Variants in PTPRA observed in about 807,000 individuals in gnomAD.
PTPRA encodes protein tyrosine phosphatase receptor type A, also known as receptor-type tyrosine-protein phosphatase alpha.
In PTPRA, 25 loss-of-function variants were observed where a neutral mutation model predicts 104.8. That is an observed-to-expected ratio of 0.24 (90% CI 0.17 to 0.33). The LOEUF is 0.33. PTPRA is among the 10% of genes least tolerant of loss of function. The pLI, the probability that PTPRA is intolerant of heterozygous loss-of-function variation, is 1.00. For synonymous variants in PTPRA, 323 were observed against 368.9 expected (o/e 0.88, Z 1.43); for missense variants, 765 against 1,015.3 (o/e 0.75, Z 3.35).
At chr20:2,931,661 C>T (rs1189290893) in intron 2 of PTPRA, among the ~76,000 whole-genome samples, 1 of 152,088 alleles carries the variant, frequency 6.6e-6, no homozygotes. Context: ...ACAAATGTGG[C>T]ATTGCTTACT....
chr20:2,901,827 C>T (rs1453769849), intron 1 of PTPRA, among the ~76,000 whole-genome samples: 1 of 151,772 alleles, frequency 6.6e-6, no homozygotes, highest in Non-Finnish European at 1.5e-5. Context: ...GTATAAATAT[C>T]GTCCCCATTT....
At chr20:2,954,246 T>G (rs969356835) in intron 3 of PTPRA, among the ~76,000 whole-genome samples, 4 of 151,574 alleles carry the variant, frequency 2.6e-5, no homozygotes, top group Non-Finnish European at 4.4e-5. Flanking sequence ...CCTGGCTAAT[T>G]TTTTGTATTT....
At chr20:2,917,261 AAAAT>A (rs896108397) in intron 1 of PTPRA, among the ~76,000 whole-genome samples, 7 of 152,060 alleles carry the variant, frequency 4.6e-5, no homozygotes, top group South Asian at 2.1e-4. Context: ...TATTTTTGAA[AAAAT>A]AAATAAATAA....
intron 5 of PTPRA, among the ~76,000 whole-genome samples, chr20:2,970,608 C>T (rs2062146435): frequency 6.6e-6 from 1 of 152,126 alleles, no homozygotes; most frequent in Non-Finnish European, 1.5e-5. Flanking sequence ...AGTCCTTTGC[C>T]TATGGTAAAA....
intron 1 of PTPRA, among the ~76,000 whole-genome samples, chr20:2,875,723 C>G (rs2089675982): frequency 6.6e-6 from 1 of 152,152 alleles, no homozygotes; most frequent in Non-Finnish European, 1.5e-5. Context: ...AGGGCTTATT[C>G]CTACTCTACA....
At chr20:2,969,612 TG>T in intron 5 of PTPRA, among the ~76,000 whole-genome samples, 1 of 123,802 alleles carries the variant, frequency 8.1e-6, no homozygotes, top group African/African-American at 3.0e-5. Flanking sequence ...CCCAGCACTT[TG>T]GGAGGCTGAG....
At chr20:2,908,331 A>G (rs542021129) in intron 1 of PTPRA, among the ~76,000 whole-genome samples, 1 of 152,078 alleles carries the variant, frequency 6.6e-6, no homozygotes, top group East Asian at 1.9e-4. Flanking sequence ...TTATATGAGA[A>G]TTTTTTTTCA....
At position 3,022,151 on chromosome 20, in the gene PTPRA, T is replaced by C; in HGVS notation, c.1259T>C (p.Met420Thr). The change falls in exon 15 of 24, where the codon ATG becomes ACG. Residue 420 changes from methionine (M) to threonine (T), a missense_variant. Met to Thr is a moderately conservative substitution (Grantham distance 81). Around this residue, in one of 4 missense-constraint regions of PTPRA, gnomAD observed 245 missense variants for 398.7 expected, o/e 0.61. Transcript: ENST00000399903. This position sits in a 1 kb window ranked among gnomAD's most constrained non-coding sequence, Gnocchi z 4.6. ...GGGGTGCCTTTTACCCCGATCGGCA[T>C]GCTCAAGTTCCTCAAGAAGGTGAAG... ...DFGVPFTPIG[M>T]LKFLKKVKAC... is the part of the protein sequence containing the mutation. The C allele has an allele frequency of 1.2e-6, 2 of 1,614,232 alleles. No homozygotes were observed. The highest frequency in any genetic ancestry group is 8.5e-7 in the Non-Finnish European group (1 of 1,180,034).
intron 3 of PTPRA, among the ~76,000 whole-genome samples, chr20:2,961,802 G>T (rs2061764362): frequency 6.6e-6 from 1 of 152,108 alleles, no homozygotes; most frequent in Non-Finnish European, 1.5e-5. Flanking sequence ...AGATAATAAG[G>T]TCTGATATGG....
intron 1 of PTPRA, among the ~76,000 whole-genome samples, chr20:2,910,401 A>ATAAAATG: frequency 1.3e-5 from 1 of 78,816 alleles, no homozygotes; most frequent in African/African-American, 9.6e-5. Flanking sequence ...TATATATAAT[A>ATAAAATG]TATTTTGTAT....
intron 6 of PTPRA, among the ~76,000 whole-genome samples, chr20:2,978,914 A>T (rs116023447): frequency 6.6e-6 from 1 of 152,236 alleles, no homozygotes; most frequent in Non-Finnish European, 1.5e-5. Context: ...GCCTGAGCGT[A>T]GGAAGCTGGA....
At chr20:2,997,764 G>A (rs558679125) in intron 9 of PTPRA, among the ~76,000 whole-genome samples, 6 of 152,266 alleles carry the variant, frequency 3.9e-5, no homozygotes, top group African/African-American at 1.4e-4. Context: ...CCACTCAGAA[G>A]CCCCCATTTT....
At position 2,950,043 on chromosome 20, in the gene PTPRA, A is replaced by G. The variant is rs982388259; in HGVS notation, c.-7+2019A>G. ...TGAGCCTGTGATTTTCTTTCTTGTA[A>G]TGTTTCTGTCCAGTTTTGGTGCCTG... is the stretch of plus-strand genomic sequence containing the variant. On this transcript the variant is annotated intron_variant, in intron 3 of 23. Coordinates refer to ENST00000399903, the MANE Select transcript of PTPRA (RefSeq NM_001385305.1). This position sits in a 1 kb window ranked among gnomAD's most constrained non-coding sequence, Gnocchi z 4.0. 2.0e-5 allele frequency among the ~76,000 whole-genome samples: 3 copies of G among 151,982 alleles called. No homozygotes were observed. The highest frequency in any genetic ancestry group is 4.4e-5 in the Non-Finnish European group (3 of 67,978).
At chr20:2,883,134 A>G (rs1423134510) in intron 1 of PTPRA, among the ~76,000 whole-genome samples, 1 of 151,940 alleles carries the variant, frequency 6.6e-6, no homozygotes, top group Non-Finnish European at 1.5e-5. Flanking sequence ...ACAGGCATGC[A>G]CCACCATGCC....
At chr20:2,934,141 T>C (rs1298803970) in intron 2 of PTPRA, among the ~76,000 whole-genome samples, 1 of 152,180 alleles carries the variant, frequency 6.6e-6, no homozygotes, top group Non-Finnish European at 1.5e-5. Flanking sequence ...CTAAATGATT[T>C]TGTCCAGGCT....
intron 3 of PTPRA, among the ~76,000 whole-genome samples, chr20:2,959,828 G>A (rs1366116594): frequency 3.3e-5 from 5 of 152,106 alleles, no homozygotes; most frequent in Admixed American, 2.6e-4. Flanking sequence ...GTGCACACCT[G>A]TAACTGTACC....
intron 19 of PTPRA, 132 bp from the exon 20 acceptor site, chr20:3,027,574 TG>T (rs2065208253): frequency 8.0e-7 from 1 of 1,245,360 alleles, no homozygotes. Context: ...GTTTCGTCCT[TG>T]GCCACAGGGG....
At chr20:3,018,575 AGAT>A (rs1376930765) in intron 13 of PTPRA, among the ~76,000 whole-genome samples, 1 of 151,894 alleles carries the variant, frequency 6.6e-6, no homozygotes, top group East Asian at 1.9e-4. Flanking sequence ...CCAAGGCAGA[AGAT>A]TTTTTCTTAG....
intron 9 of PTPRA, among the ~76,000 whole-genome samples, chr20:2,994,567 T>C (rs1230598578): frequency 6.6e-6 from 1 of 152,190 alleles, no homozygotes; most frequent in Non-Finnish European, 1.5e-5. Flanking sequence ...CTCACCAGTG[T>C]ATAGCCTCAG....
Sources: gnomAD v4.1 joint callset for allele counts (sites outside exome capture counted in the v4.1 genomes callset) on GRCh38, gnomAD v4.1.1 for gene constraint, gnomAD v4.1.1 regional missense constraint, Gnocchi (gnomAD v3.1) non-coding constraint, MANE v1.5 for transcripts, NCBI Gene and HGNC (gene_info 2026-07-23, HGNC 2026-07-21) for gene names.